MMRN2: variants seen among roughly 807,000 people sequenced by gnomAD.
MMRN2 encodes multimerin 2.
In MMRN2, 53 loss-of-function variants were observed where a neutral mutation model predicts 68.8. The ratio of observed to expected loss-of-function variants is 0.77; its 90% confidence interval spans 0.62 to 0.97. MMRN2 has a LOEUF of 0.97. MMRN2 is among the 50% of genes least tolerant of loss of function. MMRN2 has a pLI of 0.00. For missense variants in MMRN2, 1,266 were observed against 1,259.5 expected, an observed-to-expected ratio of 1.01 and a Z score of -0.08; for synonymous variants, 564 against 551.6, an observed-to-expected ratio of 1.02 and a Z score of -0.32.
At chr10:86,953,327 T>G (rs1844169094) in intron 1 of MMRN2, among the ~76,000 whole-genome samples, 1 of 152,146 alleles carries the variant, frequency 6.6e-6, no homozygotes, top group South Asian at 2.1e-4. Context: ...CATATTAAAA[T>G]GAAATCTTCA....
intron 1 of MMRN2, among the ~76,000 whole-genome samples, chr10:86,955,243 A>G (rs1478737528): frequency 1.3e-5 from 2 of 152,116 alleles, no homozygotes; most frequent in Non-Finnish European, 2.9e-5. Context: ...CCACTGGGAC[A>G]GCAAATCCTG....
intron 6 of MMRN2, 73 bp downstream of exon 6, chr10:86,942,244 G>A: frequency 6.7e-7 from 1 of 1,503,620 alleles, no homozygotes; most frequent in Non-Finnish European, 8.9e-7. Flanking sequence ...TGGCCCTCTT[G>A]GAGGCAGAAG....
chr10:86,943,255 T>C lies in MMRN2; in HGVS notation c.1529A>G (p.Asp510Gly). 1 of 1,612,972 alleles carries C rather than the reference T, an allele frequency of 6.2e-7. No individual in the cohort carries two copies. The change falls in exon 6 of 7, where the codon GAC becomes GGC. Residue 510 changes from aspartate (D) to glycine (G), a missense_variant. Physicochemically the swap from Asp to Gly is moderately conservative, Grantham distance 94. Transcript: ENST00000372027. This position sits in a 1 kb window ranked among gnomAD's most constrained non-coding sequence, Gnocchi z 4.2. ...GGTCTCCTCCAGGGCACGCGTGGCGTCCCTCTGGCCCTCCCGGATGACGTC... is the reference window on the plus strand; with the variant it reads ...GGTCTCCTCCAGGGCACGCGTGGCGCCCCTCTGGCCCTCCCGGATGACGTC... The part of the protein sequence containing the change: ...DLDVIREGQR[D>G]ATRALEETQV...
chr10:86,944,472 T>C, intron 4 of MMRN2, 37 bp from the exon 5 acceptor site: 1 of 1,608,262 alleles, frequency 6.2e-7, no homozygotes, highest in Non-Finnish European at 8.5e-7. Flanking sequence ...AAGGGCTAAC[T>C]CACCAGGCCT....
In MMRN2 at chr10:86,937,005, C is replaced by G. The variant is rs751487507; in HGVS notation, c.2588G>C (p.Arg863Pro). 13 of 1,614,198 alleles carry G rather than the reference C, an allele frequency of 8.1e-6. No homozygotes were observed. The highest frequency in any genetic ancestry group is 1.1e-5 in the Non-Finnish European group (13 of 1,180,038). ...SSYFPEHGYF[R>P]APERGVYLFA... The stretch of plus-strand genomic sequence containing the variant: ...CAGGTAGACACCACGCTCAGGGGCT[C>G]GGAAGTAGCCATGTTCAGGGAAGTA... The change falls in exon 7 of 7, where the codon CGA becomes CCA. Residue 863 changes from arginine to proline, a missense_variant. By Grantham distance (103) the Arg-to-Pro change is moderately radical (BLOSUM62 -2). Transcript: ENST00000372027.
At position 86,943,044 on chromosome 10, in the gene MMRN2, C is replaced by T; in HGVS notation, c.1740G>A (p.Ala580=). 4 of 1,359,278 alleles carry T rather than the reference C, an allele frequency of 2.9e-6. No individual in the cohort carries two copies. Among genetic ancestry groups the T allele is most frequent in the Non-Finnish European group, 3.8e-6 (4 of 1,060,144 alleles). 84.2% of individuals were successfully genotyped at this position (1,359,278 alleles called of 1,614,324 possible). A position where few individuals can be genotyped will look rare whatever the true frequency, so the allele number is the denominator to read the frequency against. ...ALDDEVGALK[A]AAAEARHEVR... is the part of the protein sequence containing the mutation. Reference sequence around the variant, plus strand: ...CCTCGTGGCGGGCCTCGGCCGCGGCCGCCTTCAGCGCGCCCACCTCGTCAT... The same window carrying T: ...CCTCGTGGCGGGCCTCGGCCGCGGCTGCCTTCAGCGCGCCCACCTCGTCAT... The change falls in exon 6 of 7, where the codon GCG becomes GCA. Residue 580 remains alanine (A), a synonymous_variant. Transcript: ENST00000372027. This position sits in a 1 kb window ranked among gnomAD's most constrained non-coding sequence, Gnocchi z 4.2.
intron 6 of MMRN2, among the ~76,000 whole-genome samples, chr10:86,939,245 C>A (rs1843923006): frequency 6.6e-6 from 1 of 151,290 alleles, no homozygotes; most frequent in Non-Finnish European, 1.5e-5. Context: ...GGGCGGATCA[C>A]GAGGTCAGGA....
At chr10:86,941,608 G>A (rs367695874) in intron 6 of MMRN2, among the ~76,000 whole-genome samples, 1 of 151,748 alleles carries the variant, frequency 6.6e-6, no homozygotes. Flanking sequence ...GACCAGCCTG[G>A]GCACCATAGC....
chr10:86,936,350 G>T lies in MMRN2; in HGVS notation c.*393C>A. 2.3e-6 allele frequency: 1 copy of T among 438,896 alleles called. No homozygotes were observed. Among genetic ancestry groups the T allele is most frequent in the South Asian group, 8.6e-5 (1 of 11,596 alleles). 27.2% of individuals were successfully genotyped at this position (438,896 alleles called of 1,614,324 possible). A position where few individuals can be genotyped will look rare whatever the true frequency, so the allele number is the denominator to read the frequency against. Reference sequence around the variant, plus strand: ...AGAATGTCTTTCTATCATACGATAAGGGAGAAGAGAAGAGGAAGCAAGAGA... The same window carrying T: ...AGAATGTCTTTCTATCATACGATAATGGAGAAGAGAAGAGGAAGCAAGAGA... On this transcript the variant is annotated 3_prime_UTR_variant, in exon 7 of 7. Coordinates refer to ENST00000372027, the MANE Select transcript of MMRN2 (RefSeq NM_024756.3).
intron 1 of MMRN2, among the ~76,000 whole-genome samples, chr10:86,950,590 G>A (rs1273294702): frequency 6.6e-6 from 1 of 152,140 alleles, no homozygotes; most frequent in African/African-American, 2.4e-5. Flanking sequence ...ACAATGGGCT[G>A]TGGTATGAGG....
chr10:86,937,521 A>G (rs1380537989), intron 6 of MMRN2, among the ~76,000 whole-genome samples: 7 of 151,762 alleles, frequency 4.6e-5, no homozygotes, highest in Non-Finnish European at 2.9e-5. Flanking sequence ...TCCTGGGCTC[A>G]AGTGATCCTC....
rs981214919 is a variant in MMRN2, at chr10:86,945,242, C to A, written c.427G>T (p.Asp143Tyr). 2 of 1,613,786 alleles carry A rather than the reference C, an allele frequency of 1.2e-6. No homozygotes were observed. Among genetic ancestry groups the A allele is most frequent in the African/African-American group, 2.7e-5 (2 of 74,950 alleles). The change falls in exon 4 of 7, where the codon GAT becomes TAT. Residue 143 changes from aspartate to tyrosine, a missense_variant. Asp to Tyr is a radical substitution (Grantham distance 160). Transcript: ENST00000372027. Reference sequence around the variant, plus strand: ...GGTTCCTGGTGGCTGTCACCAGGATCTGCAGGCTCAGGGATTGCCATGGAA... The same window carrying A: ...GGTTCCTGGTGGCTGTCACCAGGATATGCAGGCTCAGGGATTGCCATGGAA... ...HDSMAIPEPA[D>Y]PGDSHQEPQD...
intron 1 of MMRN2, among the ~76,000 whole-genome samples, chr10:86,956,610 T>C (rs1222836479): frequency 6.6e-6 from 1 of 152,226 alleles, no homozygotes; most frequent in African/African-American, 2.4e-5. Flanking sequence ...CTGTGTGGCC[T>C]TGGGCAAGCC....
intron 6 of MMRN2, among the ~76,000 whole-genome samples, chr10:86,938,513 G>T (rs988720913): frequency 1.3e-5 from 2 of 152,246 alleles, no homozygotes; most frequent in African/African-American, 4.8e-5. Flanking sequence ...TGGACAGCAT[G>T]GTTGGGCAGC....
At chr10:86,940,862 G>A (rs1843955922) in intron 6 of MMRN2, among the ~76,000 whole-genome samples, 1 of 152,244 alleles carries the variant, frequency 6.6e-6, no homozygotes, top group Non-Finnish European at 1.5e-5. Flanking sequence ...GAGACACAGA[G>A]CCTAGTTGTC....
At chr10:86,940,876 C>T (rs747797569) in intron 6 of MMRN2, among the ~76,000 whole-genome samples, 2 of 152,238 alleles carry the variant, frequency 1.3e-5, no homozygotes, top group Non-Finnish European at 2.9e-5. Context: ...AGTTGTCCCC[C>T]TCCCGGGACC....
chr10:86,936,654 T>A lies in MMRN2; in HGVS notation c.*89A>T, dbSNP rs1843883553. The stretch of plus-strand genomic sequence containing the variant: ...GTTTCCAGGGAAGAGACAGACCAAC[T>A]GAATGACCTCCAGCCCATCCTTGGC... On this transcript the variant is annotated 3_prime_UTR_variant, in exon 7 of 7. Transcript: ENST00000372027. 2.0e-6 allele frequency: 3 copies of A among 1,501,862 alleles called. No individual in the cohort carries two copies. Among genetic ancestry groups the A allele is most frequent in the East Asian group, 4.5e-5 (2 of 44,066 alleles). The allele number at this position is 1,501,862 out of a possible 1,614,324, so 93.0% of individuals were successfully genotyped here. A position where few individuals can be genotyped will look rare whatever the true frequency, so the allele number is the denominator to read the frequency against.
In MMRN2 at chr10:86,943,780, G is replaced by A; in HGVS notation, c.1004C>T (p.Thr335Ile). ...AGCCTTGTGCAGCCTCTTCAATTTG[G>A]TGTCCACATCGGCTTGGAGCTCTGA... is the stretch of plus-strand genomic sequence containing the variant. ...SISELQADVD[T>I]KLKRLHKAQE... Residue 335 changes from threonine to isoleucine, a missense_variant, in exon 6 of 7, where the codon ACC (threonine) becomes ATC (isoleucine). Thr to Ile is a moderately conservative substitution (Grantham distance 89, BLOSUM62 -1). Coordinates refer to ENST00000372027, the MANE Select transcript of MMRN2 (RefSeq NM_024756.3). This position sits in a 1 kb window ranked among gnomAD's most constrained non-coding sequence, Gnocchi z 4.2. 1.2e-6 allele frequency: 2 copies of A among 1,608,886 alleles called. No homozygotes were observed. The highest frequency in any genetic ancestry group is 1.6e-4 in the Middle Eastern group (1 of 6,062).
intron 6 of MMRN2, among the ~76,000 whole-genome samples, chr10:86,939,624 C>A (rs973133509): frequency 6.6e-6 from 1 of 152,142 alleles, no homozygotes; most frequent in South Asian, 2.1e-4. Context: ...TCGTTCCGGC[C>A]GTTCCGTCCG....
Sources: allele counts gnomAD v4.1 joint callset (sites outside exome capture counted in the v4.1 genomes callset), GRCh38; gene constraint gnomAD v4.1.1; non-coding constraint Gnocchi (gnomAD v3.1); transcripts MANE v1.5; gene names NCBI Gene and HGNC (gene_info 2026-07-23, HGNC 2026-07-21).